Variants in FBLN2 observed in about 807,000 individuals in gnomAD.
FBLN2 encodes fibulin 2, also known as fibulin-2.
A neutral mutation model predicts 123.7 loss-of-function variants in FBLN2; 81 were observed. The observed-to-expected ratio is 0.65, with a 90% CI of 0.55 to 0.79. The LOEUF (loss-of-function observed/expected upper bound fraction) is 0.79, where lower values mean the gene tolerates loss of function less well. FBLN2 is among the 30% of genes least tolerant of loss of function. The pLI, the probability that FBLN2 is intolerant of heterozygous loss-of-function variation, is 0.00. For synonymous variants in FBLN2, 699 were observed against 701.4 expected, an observed-to-expected ratio of 1.00 and a Z score of 0.05; for missense variants, 1,603 against 1,681.3, an observed-to-expected ratio of 0.95 and a Z score of 0.81.
intron 1 of FBLN2, among the ~76,000 whole-genome samples, chr3:13,565,852 A>G (rs1301961202): frequency 6.6e-6 from 1 of 152,224 alleles, no homozygotes; most frequent in Non-Finnish European, 1.5e-5. Flanking sequence ...GCACAGGGTC[A>G]TGGAGTGCAT....
chr3:13,556,217 G>A (rs1479627030), intron 1 of FBLN2, among the ~76,000 whole-genome samples: 4 of 152,208 alleles, frequency 2.6e-5, no homozygotes, highest in Non-Finnish European at 5.9e-5. Context: ...TTATTTCTCA[G>A]TTGTGGAGGC....
intron 2 of FBLN2, among the ~76,000 whole-genome samples, chr3:13,598,552 C>T (rs1704922621): frequency 6.6e-6 from 1 of 152,244 alleles, no homozygotes; most frequent in African/African-American, 2.4e-5. Context: ...CCTGGGCTCC[C>T]TCTCTTAAAC....
rs534547842 is a variant in FBLN2, at chr3:13,618,152, C to T, written c.1806C>T (p.Gly602=). ...CCGAGCTGCCGAACAGCCTGCCGGG[C>T]GATGACCAGGATGAGTGCCTTCTCC... ...TEAELPNSLP[G]DDQDECLLLP... Residue 602 remains glycine (G), a synonymous_variant, in exon 6 of 18, where the codon GGC becomes GGT. Transcript: ENST00000404922. 1.3e-5 allele frequency: 21 copies of T among 1,613,716 alleles called. No individual in the cohort carries two copies. Among genetic ancestry groups the T allele is most frequent in the Middle Eastern group, 1.6e-4 (1 of 6,062 alleles).
At chr3:13,596,199 G>A (rs1275647184) in intron 2 of FBLN2, among the ~76,000 whole-genome samples, 2 of 152,158 alleles carry the variant, frequency 1.3e-5, no homozygotes, top group East Asian at 3.9e-4. Flanking sequence ...GGGCAGTGGC[G>A]TGATCACTGC....
intron 1 of FBLN2, among the ~76,000 whole-genome samples, chr3:13,568,242 C>T (rs774783044): frequency 5.9e-5 from 9 of 152,174 alleles, no homozygotes; most frequent in East Asian, 1.9e-4. Flanking sequence ...GGCCCTCCAC[C>T]GCAGCCTTCC....
intron 7 of FBLN2, 107 bp downstream of exon 7, chr3:13,619,124 C>T: frequency 2.6e-6 from 2 of 775,510 alleles, no homozygotes; most frequent in South Asian, 3.5e-5. Flanking sequence ...TGCAAGATGG[C>T]CCCTCCAAAG....
chr3:13,612,529 C>T (rs1411486766), intron 4 of FBLN2, among the ~76,000 whole-genome samples: 4 of 151,810 alleles, frequency 2.6e-5, no homozygotes, highest in African/African-American at 9.7e-5. Flanking sequence ...TACAGGTGCC[C>T]GCCACCACGC....
chr3:13,629,190 C>T lies in FBLN2; in HGVS notation c.2740C>T (p.His914Tyr). 1.9e-6 allele frequency: 3 copies of T among 1,613,258 alleles called. No homozygotes were observed. The highest frequency in any genetic ancestry group is 1.1e-5 in the South Asian group (1 of 91,078). ...CGTGAATGAGTGTGAGACAGGTGTG[C>T]ACCGCTGCGGTGAGGGCCAAGTGTG... ...VDVNECETGV[H>Y]RCGEGQVCHN... Residue 914 changes from histidine (H) to tyrosine (Y), a missense_variant, in exon 13 of 18, where the codon CAC (histidine) becomes TAC (tyrosine). Coordinates refer to ENST00000404922, the MANE Select transcript of FBLN2 (RefSeq NM_001004019.2).
chr3:13,556,244 A>G (rs1214229537), intron 1 of FBLN2, among the ~76,000 whole-genome samples: 2 of 151,952 alleles, frequency 1.3e-5, no homozygotes, highest in Non-Finnish European at 2.9e-5. Context: ...TCTAAGCCCT[A>G]GATTTCGTTC....
intron 14 of FBLN2, 60 bp downstream of exon 14, chr3:13,630,005 C>G (rs539264512): frequency 6.3e-7 from 1 of 1,592,020 alleles, no homozygotes; most frequent in African/African-American, 1.3e-5. Flanking sequence ...GCAGACCCGC[C>G]GTGGAAGGCC....
At chr3:13,636,377 A>G in intron 16 of FBLN2, 68 bp from the exon 17 acceptor site, 1 of 1,581,762 alleles carries the variant, frequency 6.3e-7, no homozygotes, top group East Asian at 2.3e-5. Context: ...CCTTTCATGC[A>G]GGCTGGGGAG....
rs1397169822 is a variant in FBLN2 at position 13,621,773 on chromosome 3, A to G, written c.2156-2A>G. 2 of 1,613,910 alleles carry G rather than the reference A, an allele frequency of 1.2e-6. No individual in the cohort carries two copies. Among genetic ancestry groups the G allele is most frequent in the South Asian group, 1.1e-5 (1 of 91,070 alleles). On this transcript the variant is annotated splice_acceptor_variant, in intron 8 of 17. Transcript: ENST00000404922. LOFTEE classifies it high-confidence loss of function. ...TGTTTTTCCTCCTGCGGCTGCCACT[A>G]GACCAAGACGAGTGCCTGATGGGTG...
intron 1 of FBLN2, among the ~76,000 whole-genome samples, chr3:13,550,669 A>G (rs1364899079): frequency 1.3e-5 from 2 of 152,044 alleles, no homozygotes; most frequent in South Asian, 2.1e-4. Context: ...TAACTTCCCC[A>G]TATGCCAAAT....
At chr3:13,601,201 C>G (rs1360407138) in intron 2 of FBLN2, among the ~76,000 whole-genome samples, 1 of 152,238 alleles carries the variant, frequency 6.6e-6, no homozygotes, top group African/African-American at 2.4e-5. Context: ...GGGCATCCCA[C>G]TGATGTCATC....
intron 2 of FBLN2, among the ~76,000 whole-genome samples, chr3:13,578,983 A>T (rs913549995): frequency 1.3e-5 from 2 of 152,208 alleles, no homozygotes; most frequent in African/African-American, 4.8e-5. Flanking sequence ...TGAACCTAGG[A>T]GGCGGAGGTT....
chr3:13,619,450 C>T (rs1705767078), intron 7 of FBLN2, among the ~76,000 whole-genome samples: 1 of 152,222 alleles, frequency 6.6e-6, no homozygotes, highest in African/African-American at 2.4e-5. Flanking sequence ...CTCCATCTCC[C>T]CATTGTTCTT....
intron 2 of FBLN2, among the ~76,000 whole-genome samples, chr3:13,574,340 G>A (rs918370947): frequency 1.2e-4 from 19 of 152,182 alleles, no homozygotes; most frequent in African/African-American, 4.6e-4. Context: ...GGGAACCTCC[G>A]ACCTCCTGAG....
At chr3:13,635,108 C>T (rs1706410822) in intron 16 of FBLN2, among the ~76,000 whole-genome samples, 1 of 152,240 alleles carries the variant, frequency 6.6e-6, no homozygotes, top group Non-Finnish European at 1.5e-5. Context: ...TCCACACCCT[C>T]CTCTGTCTGA....
intron 2 of FBLN2, among the ~76,000 whole-genome samples, chr3:13,588,799 AAT>A (rs1704584546): frequency 6.6e-6 from 1 of 152,258 alleles, no homozygotes; most frequent in Non-Finnish European, 1.5e-5. Context: ...TCTCATAGTA[AAT>A]ACTGGTGTGG....
Sources: gnomAD v4.1 joint callset for allele counts (sites outside exome capture counted in the v4.1 genomes callset) on GRCh38, gnomAD v4.1.1 for gene constraint, MANE v1.5 for transcripts, NCBI Gene and HGNC (gene_info 2026-07-23, HGNC 2026-07-21) for gene names.